The following ZSCAN5A variants were observed in gnomAD, a reference collection of about 807,000 sequenced individuals.
ZSCAN5A encodes the protein zinc finger and SCAN domain containing 5A, also known as zinc finger and SCAN domain-containing protein 5A.
Under a neutral mutation model 23.7 loss-of-function variants are expected in ZSCAN5A, and 12 were observed. That is an observed-to-expected ratio of 0.51 (90% CI 0.32 to 0.82). ZSCAN5A has a LOEUF of 0.82. ZSCAN5A is among the 40% of genes least tolerant of loss of function. The pLI is 0.03. For missense variants in ZSCAN5A, 597 were observed against 617.9 expected (o/e 0.97, Z 0.36); for synonymous variants, 257 against 239.9 (o/e 1.07, Z -0.66).
intron 2 of ZSCAN5A, among the ~76,000 whole-genome samples, chr19:56,235,114 C>T (rs1669517757): frequency 9.0e-6 from 1 of 111,614 alleles, no homozygotes; most frequent in Non-Finnish European, 2.0e-5. Flanking sequence ...GCCAAGCCTC[C>T]ACTCCAACCT....
intron 2 of ZSCAN5A, among the ~76,000 whole-genome samples, chr19:56,270,397 C>T (rs886715771): frequency 1.3e-5 from 2 of 151,956 alleles, no homozygotes; most frequent in African/African-American, 4.8e-5. Context: ...CCAGCCTGGG[C>T]GACAGGGTGA....
At position 56,352,330 on chromosome 19, in the gene ZSCAN5A, A is replaced by C. The variant is rs1416127912; in HGVS notation, c.-358+10905T>G. Among the ~76,000 whole-genome samples the C allele has an allele frequency of 6.6e-6, 1 of 152,194 alleles. No individual in the cohort carries two copies. The highest frequency in any genetic ancestry group is 1.5e-5 in the Non-Finnish European group (1 of 68,046). ...ATTAAACATAATGCAAATGAATGTG[A>C]TTACTGGGGCACTGTAGAGACAGAG... is the stretch of plus-strand genomic sequence containing the variant. On this transcript the variant is annotated intron_variant, in intron 2 of 6. Coordinates refer to the ZSCAN5A transcript ENST00000587340. This position sits in a 1 kb window ranked among gnomAD's most constrained non-coding sequence, Gnocchi z 4.2.
intron 2 of ZSCAN5A, among the ~76,000 whole-genome samples, chr19:56,255,188 C>T (rs376693752): frequency 1.3e-5 from 2 of 152,100 alleles, no homozygotes; most frequent in Non-Finnish European, 2.9e-5. Flanking sequence ...CCATTGGAAA[C>T]AGGAAAGGAA....
intron 2 of ZSCAN5A, among the ~76,000 whole-genome samples, chr19:56,292,458 C>CTTTT (rs899365291): frequency 1.5e-5 from 2 of 135,190 alleles, no homozygotes; most frequent in Non-Finnish European, 3.3e-5. Flanking sequence ...TCTGTTTTTA[C>CTTTT]TTTTTTTTTT....
At chr19:56,319,094 C>T (rs1024142940), upstream of ZSCAN5A, among the ~76,000 whole-genome samples, 5 of 152,212 alleles carry the variant, frequency 3.3e-5, no homozygotes, top group South Asian at 2.1e-4. Context: ...AGTTTATATG[C>T]AAATGGAAAA....
At chr19:56,292,318 C>T (rs1435342755) in intron 2 of ZSCAN5A, among the ~76,000 whole-genome samples, 3 of 152,318 alleles carry the variant, frequency 2.0e-5, no homozygotes, top group Non-Finnish European at 2.9e-5. Context: ...GGATCTTGCT[C>T]TGTTGTCCAG....
chr19:56,276,280 T>C (rs1356471755), intron 2 of ZSCAN5A, among the ~76,000 whole-genome samples: 1 of 152,132 alleles, frequency 6.6e-6, no homozygotes, highest in Non-Finnish European at 1.5e-5. Flanking sequence ...ATTGTTTGCT[T>C]ACAGTGATGC....
intron 2 of ZSCAN5A, among the ~76,000 whole-genome samples, chr19:56,350,357 G>C (rs575497121): frequency 1.1e-3 from 162 of 152,244 alleles, no homozygotes; most frequent in African/African-American, 3.8e-3. Context: ...GGAAATAACC[G>C]GTTGTTTAAA....
intron 2 of ZSCAN5A, chr19:56,228,277 C>G (rs920867174): frequency 2.5e-4 from 250 of 985,264 alleles, no homozygotes; most frequent in Non-Finnish European, 3.0e-4. Flanking sequence ...TGCCTCCGAC[C>G]TTCTCGGTCT....
chr19:56,340,665 G>A (rs2041585328), intron 2 of ZSCAN5A: 1 of 152,174 alleles, frequency 6.6e-6, no homozygotes, highest in Non-Finnish European at 1.5e-5. Flanking sequence ...GCTTTTTCAT[G>A]ATGGCAAAAT....
chr19:56,260,278 G>A (rs2037031436), intron 2 of ZSCAN5A, among the ~76,000 whole-genome samples: 1 of 148,012 alleles, frequency 6.8e-6, no homozygotes. Flanking sequence ...GCAATGGTGC[G>A]ATCTCGGCTC....
At chr19:56,336,381 A>G (rs1030919053) in intron 2 of ZSCAN5A, among the ~76,000 whole-genome samples, 1 of 152,282 alleles carries the variant, frequency 6.6e-6, no homozygotes, top group South Asian at 2.1e-4. Context: ...CGCATCAGCT[A>G]CTGAGGCTTG....
chr19:56,340,875 T>C (rs2041587200), intron 2 of ZSCAN5A: 1 of 148,974 alleles, frequency 6.7e-6, no homozygotes, highest in African/African-American at 2.6e-5. Flanking sequence ...AGTCTTCCCT[T>C]GCAGGAGAAG....
At chr19:56,323,186 G>A (rs1391517491) in intron 2 of ZSCAN5A, among the ~76,000 whole-genome samples, 2 of 151,936 alleles carry the variant, frequency 1.3e-5, no homozygotes, top group African/African-American at 4.8e-5. Context: ...GAGCCACCGC[G>A]CCCGGCCTTG....
At chr19:56,244,363 C>T (rs539805357) in intron 2 of ZSCAN5A, 361 of 1,589,232 alleles carry the variant, frequency 2.3e-4, no homozygotes, top group African/African-American at 1.5e-3. Flanking sequence ...TCAAGGTGAA[C>T]GGTGTGCAGA....
chr19:56,331,578 CTTTTTTTTTTT>C (rs68085541), intron 2 of ZSCAN5A, among the ~76,000 whole-genome samples: 6 of 48,964 alleles, frequency 1.2e-4, no homozygotes, highest in African/African-American at 4.2e-4. Context: ...GAATTGCATT[CTTTTTTTTTTT>C]TTTTTTTTTT....
At position 56,222,364 on chromosome 19, in the gene ZSCAN5A, G is replaced by A. The variant is rs180724163; in HGVS notation, c.740-38C>T. ...ATTCCACACACACAGTTAATAAAGC[G>A]CATTTTCAATACACCAAACTCATTG... On this transcript the variant is annotated intron_variant, in intron 5 of 5. Coordinates refer to ENST00000683990, the MANE Select transcript of ZSCAN5A (RefSeq NM_001322064.3). 1.2e-4 allele frequency: 193 copies of A among 1,599,362 alleles called. 1 individual carries two copies. Among genetic ancestry groups the A allele is most frequent in the South Asian group, 8.9e-5 (8 of 89,788 alleles).
chr19:56,252,291 T>C (rs1262234008), intron 2 of ZSCAN5A, among the ~76,000 whole-genome samples: 1 of 152,178 alleles, frequency 6.6e-6, no homozygotes, highest in Non-Finnish European at 1.5e-5. Context: ...CAAACCTGGC[T>C]TGAGCAGGTG....
chr19:56,330,705 CTTT>C (rs921770724), intron 2 of ZSCAN5A, among the ~76,000 whole-genome samples: 1 of 151,966 alleles, frequency 6.6e-6, no homozygotes, highest in African/African-American at 2.4e-5. Context: ...TAGTTGTTTA[CTTT>C]TTATGTTGAT....
Sources: allele counts gnomAD v4.1 joint callset (sites outside exome capture counted in the v4.1 genomes callset), GRCh38; gene constraint gnomAD v4.1.1; non-coding constraint Gnocchi (gnomAD v3.1); transcripts MANE v1.5; gene names NCBI Gene and HGNC (gene_info 2026-07-23, HGNC 2026-07-21).